IL3RA: variants seen among roughly 807,000 people sequenced by gnomAD.
IL3RA encodes the protein interleukin-3 receptor subunit alpha.
In IL3RA, 73 loss-of-function variants were observed where a neutral mutation model predicts 52.3. The ratio of observed to expected loss-of-function variants is 1.40; its 90% CI spans 1.16 to 1.70. IL3RA has a LOEUF of 1.70. IL3RA is among the 40% of genes most tolerant of loss of function. The probability of loss-of-function intolerance (pLI) is 0.00; values close to 1 mark genes in which losing one functional copy is unlikely to be tolerated. For missense variants in IL3RA, 664 were observed against 504.4 expected, an observed-to-expected ratio of 1.32 and a Z score of -3.03; for synonymous variants, 260 against 194.0, an observed-to-expected ratio of 1.34 and a Z score of -2.83.
At chrX:1,356,047 G>C (rs2086680510) in intron 6 of IL3RA, among the ~76,000 whole-genome samples, 174 bp from the exon 7 acceptor site, 1 of 152,018 alleles carries the variant, frequency 6.6e-6, no homozygotes, top group South Asian at 2.1e-4. Context: ...GCTCAGTCCT[G>C]TGTCTCTGCC....
intron 8 of IL3RA, among the ~76,000 whole-genome samples, chrX:1,360,098 G>A (rs772496407): frequency 3.7e-5 from 3 of 81,954 alleles, no homozygotes; most frequent in African/African-American, 5.3e-5. Flanking sequence ...TCTCTCTCCC[G>A]GTCTCTATCT....
rs376152362 is a variant in IL3RA, at chrX:1,347,313, T to G, written c.184-1118T>G. On this transcript the variant is annotated intron_variant, in intron 3 of 11. Transcript: ENST00000331035. ...ATAAAAATTAGCCGGGCGTGGTGGC[T>G]GGTGCCTGTAGTCCCAGCTACTCGG... Among the ~76,000 whole-genome samples the G allele has an allele frequency of 2.3e-4, 34 of 150,806 alleles. 1 individual carries two copies. The highest frequency in any genetic ancestry group is 6.3e-4 in the South Asian group (3 of 4,784).
At chrX:1,354,773 AAG>A (rs1461828219) in intron 6 of IL3RA, among the ~76,000 whole-genome samples, 1 of 106,106 alleles carries the variant, frequency 9.4e-6, no homozygotes, top group African/African-American at 3.9e-5. Flanking sequence ...GAGGAGAAGA[AAG>A]AAGAGGAAGA....
At chrX:1,341,962 G>A (rs1232006041) in intron 2 of IL3RA, 133 bp downstream of exon 2, 2 of 928,864 alleles carry the variant, frequency 2.2e-6, no homozygotes, top group African/African-American at 1.6e-5. Context: ...CAGTGGTCGG[G>A]AATGACTCAG....
chrX:1,348,464 A>G lies in IL3RA; in HGVS notation c.217A>G (p.Ile73Val). 1 of 1,613,812 alleles carries G rather than the reference A, an allele frequency of 6.2e-7. No homozygotes were observed. Among genetic ancestry groups the G allele is most frequent in the Non-Finnish European group, 8.5e-7 (1 of 1,179,818 alleles). Residue 73 changes from isoleucine to valine, a missense_variant, in exon 4 of 12, where the codon ATT (isoleucine) becomes GTT (valine). Physicochemically the swap from Ile to Val is conservative, Grantham distance 29 (BLOSUM62 3). Transcript: ENST00000331035. ...VNNSYCQFGA[I>V]SLCEVTNYTV... The stretch of plus-strand genomic sequence containing the variant: ...CAATAGCTATTGCCAGTTTGGAGCA[A>G]TTTCCTTATGTGAAGTGACCAACTA...
chrX:1,342,192 G>T (rs1305331362), intron 2 of IL3RA, among the ~76,000 whole-genome samples: 3 of 151,952 alleles, frequency 2.0e-5, no homozygotes, highest in Non-Finnish European at 4.4e-5. Flanking sequence ...TGGAGACAGG[G>T]TCTTACTGTC....
At chrX:1,353,326 AC>A (rs68004442) in intron 6 of IL3RA, among the ~76,000 whole-genome samples, 102,450 of 134,622 alleles carry the variant, frequency 0.76, 38,790 homozygotes, top group African/African-American at 0.85. Context: ...GGGTCATGGG[AC>A]CCCCCCATCA....
In IL3RA at chrX:1,353,391, T is replaced by C. The variant is rs186186949; in HGVS notation, c.616+885T>C. ...TCATCATGGGTTTCATCATGGGTCA[T>C]AGGACCCCCATCATGGATTCCATCA... On this transcript the variant is annotated intron_variant, in intron 6 of 11. Transcript: ENST00000331035. Among the ~76,000 whole-genome samples, 814 of 142,294 alleles carry C rather than the reference T, an allele frequency of 5.7e-3. 6 individuals are homozygous for C. Among genetic ancestry groups the C allele is most frequent in the Non-Finnish European group, 6.3e-3 (417 of 66,186 alleles). The allele number at this position is 142,294 out of a possible 152,430, so 93.4% of individuals were successfully genotyped here.
At chrX:1,343,763 TTTTC>T (rs1190938595) in intron 2 of IL3RA, among the ~76,000 whole-genome samples, 18 of 144,408 alleles carry the variant, frequency 1.2e-4, no homozygotes, top group East Asian at 7.9e-4. Context: ...GAGACCTTCT[TTTTC>T]TTTCTTTCTT....
intron 6 of IL3RA, among the ~76,000 whole-genome samples, chrX:1,353,702 C>G (rs1442009513): frequency 9.0e-6 from 1 of 111,546 alleles, no homozygotes; most frequent in African/African-American, 4.2e-5. Context: ...GTCATGGGAC[C>G]CCCCCCAATC....
intron 9 of IL3RA, among the ~76,000 whole-genome samples, chrX:1,376,859 C>T (rs1336063867): frequency 1.1e-5 from 1 of 90,078 alleles, no homozygotes; most frequent in Non-Finnish European, 2.1e-5. Flanking sequence ...GGAGGGACGA[C>T]CCTGTGGGAC....
chrX:1,349,166 C>T (rs1157288835), intron 4 of IL3RA, among the ~76,000 whole-genome samples: 1 of 143,846 alleles, frequency 7.0e-6, no homozygotes, highest in Non-Finnish European at 1.5e-5. Flanking sequence ...TACCACCATG[C>T]CCACCTAATT....
chrX:1,360,604 C>T (rs1407044911), intron 8 of IL3RA, among the ~76,000 whole-genome samples: 11 of 152,130 alleles, frequency 7.2e-5, no homozygotes, highest in South Asian at 6.2e-4. Context: ...CTGCAACCTC[C>T]GCCTCCCAGG....
intron 8 of IL3RA, among the ~76,000 whole-genome samples, chrX:1,359,111 C>G (rs2086966582): frequency 6.6e-6 from 1 of 151,918 alleles, no homozygotes; most frequent in South Asian, 2.1e-4. Flanking sequence ...TTTCACATCC[C>G]CAAATTGAGG....
chrX:1,345,126 C>G (rs767574543), intron 2 of IL3RA, among the ~76,000 whole-genome samples, 190 bp from the exon 3 acceptor site: 2 of 151,142 alleles, frequency 1.3e-5, no homozygotes, highest in East Asian at 3.9e-4. Context: ...TGAGATCGTG[C>G]CACTGTAGTC....
At chrX:1,348,700 C>A (rs867515854) in intron 4 of IL3RA, among the ~76,000 whole-genome samples, 155 bp downstream of exon 4, 1 of 98,106 alleles carries the variant, frequency 1.0e-5, no homozygotes, top group Non-Finnish European at 2.0e-5. Context: ...CTTTTTCTTT[C>A]TTTCTGTTTC....
chrX:1,359,991 CTT>C (rs1393996657), intron 8 of IL3RA, among the ~76,000 whole-genome samples: 1 of 150,540 alleles, frequency 6.6e-6, no homozygotes. Flanking sequence ...CTCCCTCCAT[CTT>C]TCTCTCTCTC....
intron 2 of IL3RA, among the ~76,000 whole-genome samples, chrX:1,343,295 C>T (rs1381075427): frequency 2.0e-5 from 3 of 151,912 alleles, no homozygotes; most frequent in African/African-American, 2.4e-5. Context: ...TCTAAGTGGC[C>T]GATCAGAGAT....
At position 1,381,090 on chromosome X, in the gene IL3RA, C is replaced by T; in HGVS notation, c.1048C>T (p.Gln350Ter). Reference sequence around the variant, plus strand: ...GAAAGACCCCATCGGTGACAGCTTCCAAAACGACAAGCTGGTATGTTGTTT... The same window carrying T: ...GAAAGACCCCATCGGTGACAGCTTCTAAAACGACAAGCTGGTATGTTGTTT... ...HMKDPIGDSF[Q>*]NDKLVVWEAG... The change falls in exon 11 of 12, where the codon CAA becomes TAA. Residue 350 changes from glutamine (Q) to a stop codon, truncating the protein, a stop_gained. Transcript: ENST00000331035. LOFTEE classifies it high-confidence loss of function. The T allele has an allele frequency of 6.2e-7, 1 of 1,613,810 alleles. No homozygotes were observed. Among genetic ancestry groups the T allele is most frequent in the Non-Finnish European group, 8.5e-7 (1 of 1,179,792 alleles).
Sources: allele counts gnomAD v4.1 joint callset (sites outside exome capture counted in the v4.1 genomes callset), GRCh38; gene constraint gnomAD v4.1.1; transcripts MANE v1.5; gene names NCBI Gene and HGNC (gene_info 2026-07-23, HGNC 2026-07-21).